The following STK31 variants were observed in gnomAD, a reference collection of about 807,000 sequenced individuals.
STK31 encodes serine/threonine-protein kinase 31.
STK31 carries 89 observed loss-of-function variants against 129.7 expected under a neutral mutation model. The observed-to-expected ratio is 0.69, with a 90% CI of 0.58 to 0.82. STK31 has a LOEUF of 0.82. STK31 is among the 40% of genes least tolerant of loss of function. The pLI is 0.00. For synonymous variants in STK31, 448 were observed against 395.3 expected, an observed-to-expected ratio of 1.13 and a Z score of -1.58; for missense variants, 1,187 against 1,176.4, an observed-to-expected ratio of 1.01 and a Z score of -0.13.
intron 23 of STK31, among the ~76,000 whole-genome samples, chr7:23,824,551 C>A (rs184006134): frequency 0.32 from 48,964 of 151,660 alleles, 9,061 homozygotes; most frequent in African/African-American, 0.52. Context: ...CAAACAGGGA[C>A]AATTGGACTT....
chr7:23,736,912 T>A lies in STK31; in HGVS notation c.851T>A (p.Leu284Ter), dbSNP rs1324264430. ...TGAATTTGTTTTTATAGGGAAAGTT[T>A]GGCTGTTGGTGACTTTAATTTAGGG... ...GNLITFPKES[L>*]AVGDFNLGSN... Residue 284 changes from leucine (L) to a stop codon, truncating the protein, a stop_gained, in exon 8 of 24, where the codon TTG becomes TAG. Coordinates refer to ENST00000355870, the MANE Select transcript of STK31 (RefSeq NM_031414.5). LOFTEE classifies it high-confidence loss of function. The A allele has an allele frequency of 1.2e-6, 2 of 1,601,156 alleles. No individual in the cohort carries two copies. Among genetic ancestry groups the A allele is most frequent in the Non-Finnish European group, 1.7e-6 (2 of 1,175,680 alleles).
At chr7:23,743,797 T>C (rs974622642) in intron 8 of STK31, among the ~76,000 whole-genome samples, 1 of 152,112 alleles carries the variant, frequency 6.6e-6, no homozygotes, top group African/African-American at 2.4e-5. Context: ...GTGTCTCATA[T>C]GTCTTGTAGG....
At chr7:23,720,265 C>T (rs1786611258) in intron 4 of STK31, among the ~76,000 whole-genome samples, 1 of 152,164 alleles carries the variant, frequency 6.6e-6, no homozygotes, top group African/African-American at 2.4e-5. Flanking sequence ...CAAACAATTT[C>T]TGTGAATATT....
At chr7:23,720,083 G>T (rs1170335440) in intron 4 of STK31, among the ~76,000 whole-genome samples, 1 of 152,110 alleles carries the variant, frequency 6.6e-6, no homozygotes, top group African/African-American at 2.4e-5. Flanking sequence ...TTTTATCACT[G>T]ATAAGCTACA....
At chr7:23,829,681 C>T (rs770716455) in intron 23 of STK31, among the ~76,000 whole-genome samples, 1 of 152,054 alleles carries the variant, frequency 6.6e-6, no homozygotes, top group Non-Finnish European at 1.5e-5. Flanking sequence ...GCCTCTTGAA[C>T]CTTTGCAGTA....
intron 8 of STK31, among the ~76,000 whole-genome samples, chr7:23,751,617 CTT>C (rs1221654438): frequency 6.6e-6 from 1 of 152,168 alleles, no homozygotes; most frequent in African/African-American, 2.4e-5. Flanking sequence ...CTGACAGATT[CTT>C]TCTCTACTTA....
chr7:23,784,251 T>G (rs1409141248), intron 17 of STK31, among the ~76,000 whole-genome samples: 1 of 152,148 alleles, frequency 6.6e-6, no homozygotes, highest in Non-Finnish European at 1.5e-5. Flanking sequence ...AGTGAGGGCC[T>G]AGATGAGGTA....
chr7:23,813,249 T>A (rs1467656571), intron 22 of STK31, among the ~76,000 whole-genome samples: 1 of 152,126 alleles, frequency 6.6e-6, no homozygotes, highest in Non-Finnish European at 1.5e-5. Context: ...AACTTTCATG[T>A]GATTCTTTTT....
rs747803769 is a variant in STK31, at chr7:23,727,335, GTT to G, written c.324+28_324+29del. On this transcript the variant is annotated intron_variant, in intron 5 of 23. Transcript: ENST00000355870. ...GAAAAGGCAGGAAATTAAGTGTTCA[GTT>G]TTTTTTTGCTTTAAGAAATATTTAT... is the stretch of plus-strand genomic sequence containing the variant. 14 of 1,583,302 alleles carry G rather than the reference GTT, an allele frequency of 8.8e-6. No individual in the cohort carries two copies. In the East Asian group the frequency reaches 1.8e-4, roughly 21 times the overall value.
intron 10 of STK31, among the ~76,000 whole-genome samples, chr7:23,760,593 G>A (rs1019126574): frequency 2.2e-4 from 34 of 152,142 alleles, no homozygotes; most frequent in African/African-American, 8.2e-4. Context: ...TTTTATAAGT[G>A]AGGAAACAGG....
At chr7:23,746,963 C>T (rs550773657) in intron 8 of STK31, among the ~76,000 whole-genome samples, 1 of 151,910 alleles carries the variant, frequency 6.6e-6, no homozygotes, top group South Asian at 2.1e-4. Context: ...GGCAGGCACA[C>T]CTTGTGTAAC....
intron 16 of STK31, among the ~76,000 whole-genome samples, chr7:23,782,127 A>G (rs1790966632): frequency 6.6e-6 from 1 of 152,184 alleles, no homozygotes; most frequent in African/African-American, 2.4e-5. Context: ...ATTGTATTTT[A>G]TATCTGGGAG....
intron 23 of STK31, among the ~76,000 whole-genome samples, chr7:23,818,260 A>G (rs960664019): frequency 4.6e-5 from 7 of 152,092 alleles, no homozygotes; most frequent in African/African-American, 1.7e-4. Flanking sequence ...TTCATTTTCC[A>G]TACTTTGGAG....
At chr7:23,727,140 TA>T in intron 4 of STK31, 100 bp from the exon 5 acceptor site, 1 of 865,602 alleles carries the variant, frequency 1.2e-6, no homozygotes, top group Non-Finnish European at 1.9e-6. Flanking sequence ...ATATATAAAG[TA>T]CTTATTGACA....
chr7:23,787,437 G>A (rs571330981), intron 20 of STK31, among the ~76,000 whole-genome samples: 9 of 152,136 alleles, frequency 5.9e-5, no homozygotes, highest in East Asian at 3.9e-4. Context: ...ACCCCAGGTC[G>A]CAGACTGGTA....
At chr7:23,727,812 A>T (rs1787180175) in intron 5 of STK31, among the ~76,000 whole-genome samples, 1 of 151,808 alleles carries the variant, frequency 6.6e-6, no homozygotes, top group Non-Finnish European at 1.5e-5. Context: ...CGTCCGCCTC[A>T]GCCTCCGAAA....
intron 8 of STK31, among the ~76,000 whole-genome samples, chr7:23,737,535 A>G (rs1024865423): frequency 6.6e-6 from 1 of 152,210 alleles, no homozygotes; most frequent in African/African-American, 2.4e-5. Context: ...AAACCGTAAT[A>G]ATAATACTAT....
intron 14 of STK31, 35 bp downstream of exon 14, chr7:23,771,159 T>C: frequency 2.0e-6 from 3 of 1,497,256 alleles, no homozygotes; most frequent in African/African-American, 2.9e-5. Context: ...ATCTTATAAA[T>C]TGATGATTTG....
At chr7:23,724,592 A>G (rs143051597) in intron 4 of STK31, among the ~76,000 whole-genome samples, 235 of 152,312 alleles carry the variant, frequency 1.5e-3, no homozygotes, top group African/African-American at 5.3e-3. Flanking sequence ...CAAATTATTA[A>G]TCATATTGTG....
Sources: allele counts gnomAD v4.1 joint callset (sites outside exome capture counted in the v4.1 genomes callset), GRCh38; gene constraint gnomAD v4.1.1; transcripts MANE v1.5; gene names NCBI Gene and HGNC (gene_info 2026-07-23, HGNC 2026-07-21).